Variants in EIF3D observed in about 807,000 individuals in gnomAD.
EIF3D encodes the protein eukaryotic translation initiation factor 3 subunit D.
Under a neutral mutation model 75.4 loss-of-function variants are expected in EIF3D, and 10 were observed. The ratio of observed to expected loss-of-function variants is 0.13; its 90% CI spans 0.08 to 0.22. The LOEUF (loss-of-function observed/expected upper bound fraction) is 0.22. Among genes scored for constraint, EIF3D ranks in the 10% least tolerant of loss-of-function variants. EIF3D has a pLI of 1.00. For synonymous variants in EIF3D, 246 were observed against 248.3 expected (o/e 0.99, Z 0.09); for missense variants, 394 against 708.0 (o/e 0.56, Z 5.03).
intron 6 of EIF3D, among the ~76,000 whole-genome samples, chr22:36,521,277 T>A (rs924059305): frequency 1.3e-5 from 2 of 152,148 alleles, no homozygotes; most frequent in African/African-American, 4.8e-5. Context: ...AATCCCTGAC[T>A]CCCAGGAATT....
chr22:36,527,802 G>A (rs1040284889), intron 1 of EIF3D, among the ~76,000 whole-genome samples: 7 of 152,116 alleles, frequency 4.6e-5, no homozygotes, highest in African/African-American at 9.7e-5. Flanking sequence ...GCAAGACTCC[G>A]TCTCAAAAAA....
chr22:36,519,289 T>C (rs1367199032), intron 8 of EIF3D, 116 bp downstream of exon 8: 26 of 1,441,246 alleles, frequency 1.8e-5, no homozygotes, highest in East Asian at 2.3e-5. Flanking sequence ...CCTGGCAAAG[T>C]GCTTTTACCT....
At chr22:36,517,899 C>T (rs756834892) in intron 9 of EIF3D, among the ~76,000 whole-genome samples, 2 of 152,008 alleles carry the variant, frequency 1.3e-5, no homozygotes, top group Non-Finnish European at 2.9e-5. Context: ...ATGTGTCCAC[C>T]ACCACACCTG....
chr22:36,526,200 G>A, intron 1 of EIF3D, 69 bp from the exon 2 acceptor site: 1 of 1,447,714 alleles, frequency 6.9e-7, no homozygotes, highest in South Asian at 1.5e-5. Context: ...CCCTCCATAT[G>A]AAGTAAGCAA....
intron 3 of EIF3D, 26 bp from the exon 4 acceptor site, chr22:36,524,758 G>C: frequency 6.2e-7 from 1 of 1,614,168 alleles, no homozygotes; most frequent in South Asian, 1.1e-5. Context: ...ATGGCATGTA[G>C]TAACTGCACC....
Position 36,519,388 on chromosome 22 carries a change from C to A in EIF3D, c.711+17G>T, listed in dbSNP as rs1934476391. On this transcript the variant is annotated intron_variant, in intron 8 of 14. Coordinates refer to ENST00000216190, the MANE Select transcript of EIF3D (RefSeq NM_003753.4). Reference sequence around the variant, plus strand: ...GCATTCCTAACAAGGGGGAGAGGGGCAGAAGGAGGCGCACACCTTGCGGAT... The same window carrying A: ...GCATTCCTAACAAGGGGGAGAGGGGAAGAAGGAGGCGCACACCTTGCGGAT... 1.9e-6 allele frequency: 3 copies of A among 1,613,780 alleles called. No individual in the cohort carries two copies. The highest frequency in any genetic ancestry group is 3.3e-5 in the Admixed American group (2 of 59,952).
Position 36,517,385 on chromosome 22 carries a change from T to C in EIF3D, c.906A>G (p.Glu302=), listed in dbSNP as rs886239575. The C allele has an allele frequency of 1.2e-6, 2 of 1,613,602 alleles. No homozygotes were observed. The highest frequency in any genetic ancestry group is 1.7e-6 in the Non-Finnish European group (2 of 1,179,872). ...SETANEPPQD[E]GNSFNSPRNL... is the part of the protein sequence containing the mutation. ...TGCGGGGTGAATTGAAGGAATTACCTTCATCTTGAGGGGGCTCATTGGCAG... is the reference window on the plus strand; with the variant it reads ...TGCGGGGTGAATTGAAGGAATTACCCTCATCTTGAGGGGGCTCATTGGCAG... Residue 302 remains glutamate (E), a synonymous_variant, in exon 10 of 15, where the codon GAA becomes GAG. Coordinates refer to ENST00000216190, the MANE Select transcript of EIF3D (RefSeq NM_003753.4).
At chr22:36,518,199 A>G (rs1001000662) in intron 9 of EIF3D, among the ~76,000 whole-genome samples, 5 of 152,266 alleles carry the variant, frequency 3.3e-5, no homozygotes, top group African/African-American at 7.2e-5. Context: ...ATTTAAATGA[A>G]TAACATTTGG....
chr22:36,525,751 AG>A (rs761721200), intron 2 of EIF3D, 42 bp from the exon 3 acceptor site: 5 of 1,597,352 alleles, frequency 3.1e-6, no homozygotes, highest in African/African-American at 1.4e-5. Flanking sequence ...CAGGTCAACC[AG>A]GCAAGTTTCT....
intron 12 of EIF3D, among the ~76,000 whole-genome samples, chr22:36,513,299 AT>A (rs997681770): frequency 2.0e-5 from 3 of 151,740 alleles, no homozygotes; most frequent in Admixed American, 6.6e-5. Flanking sequence ...TTTCTTTTAA[AT>A]TTTTTTTCTT....
At chr22:36,527,970 A>T (rs1934632407) in intron 1 of EIF3D, among the ~76,000 whole-genome samples, 1 of 152,246 alleles carries the variant, frequency 6.6e-6, no homozygotes, top group Admixed American at 6.5e-5. Context: ...TAGAAGTTTC[A>T]TCTTTCTAAT....
rs192961537 is a variant in EIF3D at position 36,512,186 on chromosome 22, G to A, written c.1349+274C>T. On this transcript the variant is annotated intron_variant, in intron 13 of 14. Coordinates refer to ENST00000216190, the MANE Select transcript of EIF3D (RefSeq NM_003753.4). ...ATTACAGGCATGAGCCACCGCGCCC[G>A]GCAGTCCACTGCTATTTTCAAGGGA... 3.5e-4 allele frequency among the ~76,000 whole-genome samples: 53 copies of A among 152,212 alleles called. No individual in the cohort carries two copies. The South Asian group carries it at 5.6e-3, about 16-fold the overall frequency.
In EIF3D at chr22:36,524,026, G is replaced by A. The variant is rs779907626; in HGVS notation, c.307-46C>T. 4 of 1,592,456 alleles carry A rather than the reference G, an allele frequency of 2.5e-6. No homozygotes were observed. The South Asian group carries it at 3.3e-5, about 13-fold the overall frequency. On this transcript the variant is annotated intron_variant, in intron 4 of 14. Coordinates refer to ENST00000216190, the MANE Select transcript of EIF3D (RefSeq NM_003753.4). ...TCCATGTTAAAATCTTGGAGATTTG[G>A]CTCACAATAGGCAGAACAAGTGGGA...
At position 36,523,244 on chromosome 22, in the gene EIF3D, A is replaced by G; in HGVS notation, c.430T>C (p.Phe144Leu). The G allele has an allele frequency of 6.2e-7, 1 of 1,613,958 alleles. No individual in the cohort carries two copies. The highest frequency in any genetic ancestry group is 1.6e-4 in the Middle Eastern group (1 of 6,062). The change falls in exon 6 of 15, where the codon TTT (phenylalanine) becomes CTT (leucine). Residue 144 changes from phenylalanine to leucine, a missense_variant. Coordinates refer to ENST00000216190, the MANE Select transcript of EIF3D (RefSeq NM_003753.4). ...IRLQKKFQKQ[F>L]GVRQKWDQKS... Reference sequence around the variant, plus strand: ...TGATCCCATTTCTGCCTAACCCCAAATTGTTTCTGGAACTTTTTCTGCAGT... The same window carrying G: ...TGATCCCATTTCTGCCTAACCCCAAGTTGTTTCTGGAACTTTTTCTGCAGT...
chr22:36,516,330 A>C, intron 12 of EIF3D, 148 bp downstream of exon 12: 1 of 940,772 alleles, frequency 1.1e-6, no homozygotes, highest in Non-Finnish European at 1.6e-6. Flanking sequence ...AGAGGAAAAA[A>C]CTCACAAGAC....
rs558554334 is a variant in EIF3D, at chr22:36,524,746, T to G, written c.170-14A>C. On this transcript the variant is annotated splice_polypyrimidine_tract_variant and intron_variant, in intron 3 of 14. Coordinates refer to ENST00000216190, the MANE Select transcript of EIF3D (RefSeq NM_003753.4). ...AGGAGTACTTATCTGGAGGCAAAGG[T>G]GATGGCATGTAGTAACTGCACCCAC... The G allele has an allele frequency of 6.2e-7, 1 of 1,614,192 alleles. No individual in the cohort carries two copies. Among genetic ancestry groups the G allele is most frequent in the South Asian group, 1.1e-5 (1 of 91,088 alleles).
chr22:36,513,458 A>G (rs549854147), intron 12 of EIF3D, among the ~76,000 whole-genome samples: 1 of 152,154 alleles, frequency 6.6e-6, no homozygotes, highest in Admixed American at 6.5e-5. Flanking sequence ...GCCCGCCACC[A>G]TGTCCAGCCA....
rs1934555008 is a variant in EIF3D, at chr22:36,523,912, A to G, written c.375T>C (p.Ser125=). The change falls in exon 5 of 15, where the codon AGT becomes AGC. Residue 125 remains serine, a synonymous_variant. Transcript: ENST00000216190. ...LQFNLQILPK[S]AKQKERERIR... is the part of the protein sequence containing the mutation. ...AATCTCACCTCTCTTTCTGTTTGGC[A>G]CTCTTAGGCAGGATCTGCAGGTTGA... is the stretch of plus-strand genomic sequence containing the variant. 1.9e-6 allele frequency: 3 copies of G among 1,613,774 alleles called. No homozygotes were observed. The highest frequency in any genetic ancestry group is 1.3e-5 in the African/African-American group (1 of 74,884).
Position 36,520,599 on chromosome 22 carries a change from C to T in EIF3D, c.555G>A (p.Leu185=). The T allele has an allele frequency of 6.2e-7, 1 of 1,613,070 alleles. No homozygotes were observed. Among genetic ancestry groups the T allele is most frequent in the Non-Finnish European group, 8.5e-7 (1 of 1,179,180 alleles). ...ACATGTCCTGTGGCTCTGATACTTC[C>T]AAGTAGCGCATCTTCATCAACTGAG... ...DFPQLMKMRY[L]EVSEPQDIEC... is the part of the protein sequence containing the mutation. Residue 185 remains leucine (L), a synonymous_variant, in exon 7 of 15, where the codon TTG becomes TTA. Transcript: ENST00000216190.
Sources: gnomAD v4.1 joint callset for allele counts (sites outside exome capture counted in the v4.1 genomes callset) on GRCh38, gnomAD v4.1.1 for gene constraint, MANE v1.5 for transcripts, NCBI Gene and HGNC (gene_info 2026-07-23, HGNC 2026-07-21) for gene names.